Variants in KIAA1671 observed in about 807,000 individuals in gnomAD.
The protein encoded by KIAA1671 is uncharacterized protein KIAA1671.
In KIAA1671, 52 loss-of-function variants were observed where a neutral mutation model predicts 131.2. The observed-to-expected ratio is 0.40, with a 90% CI of 0.32 to 0.50. KIAA1671 has a LOEUF of 0.50. KIAA1671 is among the 20% of genes least tolerant of loss of function. KIAA1671 has a pLI of 0.73. For missense variants in KIAA1671, 2,360 were observed against 2,364.2 expected (o/e 1.00, Z 0.04); for synonymous variants, 1,003 against 961.6 (o/e 1.04, Z -0.80).
Position 24,983,360 on chromosome 22 carries a change from G to A in KIAA1671, c.-208+30588G>A, listed in dbSNP as rs1204466636. Among the ~76,000 whole-genome samples the A allele has an allele frequency of 6.6e-5, 10 of 152,054 alleles. No homozygotes were observed. The East Asian group carries it at 1.5e-3, about 23-fold the overall frequency. Reference sequence around the variant, plus strand: ...CCAGTGGCTTCCGGCAATTGTTGGCGTTTTTTGGCTTCTAGCTGTATGTCT... The same window carrying A: ...CCAGTGGCTTCCGGCAATTGTTGGCATTTTTTGGCTTCTAGCTGTATGTCT... On this transcript the variant is annotated intron_variant, in intron 1 of 12. Transcript: ENST00000358431.
At chr22:25,076,389 C>T (rs934038855) in intron 6 of KIAA1671, among the ~76,000 whole-genome samples, 4 of 152,108 alleles carry the variant, frequency 2.6e-5, no homozygotes. Context: ...GAAGTGGGGC[C>T]AAGCGTGGGC....
chr22:24,996,581 C>T (rs964943150), intron 1 of KIAA1671, among the ~76,000 whole-genome samples: 4 of 151,970 alleles, frequency 2.6e-5, no homozygotes, highest in Admixed American at 6.6e-5. Flanking sequence ...AGTTGTGACT[C>T]ATGCATCCCC....
chr22:25,026,078 C>T (rs1668625540), intron 2 of KIAA1671, among the ~76,000 whole-genome samples: 1 of 152,154 alleles, frequency 6.6e-6, no homozygotes, highest in Admixed American at 6.6e-5. Context: ...CATATCTGTC[C>T]CTCCATTCTA....
At chr22:24,983,676 G>A (rs1378863956) in intron 1 of KIAA1671, among the ~76,000 whole-genome samples, 1 of 149,586 alleles carries the variant, frequency 6.7e-6, no homozygotes, top group East Asian at 2.0e-4. Context: ...AGGGCTTTCT[G>A]GCAGGAGTGC....
At chr22:25,174,828 C>T in intron 8 of KIAA1671, 1 of 202,782 alleles carries the variant, frequency 4.9e-6, no homozygotes, top group Non-Finnish European at 9.9e-6. Context: ...GACCACTTAC[C>T]CCTGGGAAGT....
chr22:25,031,873 G>C (rs1414525513), intron 3 of KIAA1671, among the ~76,000 whole-genome samples: 1 of 152,166 alleles, frequency 6.6e-6, no homozygotes, highest in Non-Finnish European at 1.5e-5. Flanking sequence ...GACAGACCCT[G>C]GGTTGCTGAG....
chr22:25,093,748 C>CTTTCTCTCTCTCTCTCTG lies in KIAA1671; in HGVS notation c.4530+44385_4530+44386insTTCTCTCTCTCTCTCTGT, dbSNP rs1930184319. On this transcript the variant is annotated intron_variant, in intron 6 of 12. Transcript: ENST00000358431. ...ACACACACACACACACTCTCTCTCT[C>CTTTCTCTCTCTCTCTCTG]TCTCTCTCTCTCTCTCTCTGTCTCT... 4.0e-4 allele frequency among the ~76,000 whole-genome samples: 45 copies of CTTTCTCTCTCTCTCTCTG among 111,384 alleles called. 1 individual carries two copies. The highest frequency in any genetic ancestry group is 6.2e-4 in the Non-Finnish European group (33 of 52,870). 73.1% of individuals were successfully genotyped at this position (111,384 alleles called of 152,430 possible).
chr22:25,125,667 G>T (rs1601336896), intron 6 of KIAA1671, among the ~76,000 whole-genome samples: 1 of 152,206 alleles, frequency 6.6e-6, no homozygotes, highest in Non-Finnish European at 1.5e-5. Context: ...CCCACTAGAT[G>T]CCTGCACCAT....
chr22:24,957,429 C>T (rs1016035573), intron 1 of KIAA1671, among the ~76,000 whole-genome samples: 6 of 152,168 alleles, frequency 3.9e-5, no homozygotes, highest in African/African-American at 1.4e-4. Flanking sequence ...AATTTCTAAA[C>T]CTGAAGGCTT....
At position 25,065,628 on chromosome 22, in the gene KIAA1671, AATTATT is replaced by A. The variant is rs1234244146; in HGVS notation, c.4530+16280_4530+16285del. ...TACCATTTTTCAACTTTTTTTAAAG[AATTATT>A]ATTATTATTATTATTTTTTTTTTTT... On this transcript the variant is annotated intron_variant, in intron 6 of 12. Coordinates refer to ENST00000358431, the MANE Select transcript of KIAA1671 (RefSeq NM_001145206.2). 8.6e-5 allele frequency among the ~76,000 whole-genome samples: 13 copies of A among 151,014 alleles called. No individual in the cohort carries two copies. The East Asian group carries it at 2.5e-3, about 29-fold the overall frequency.
intron 9 of KIAA1671, chr22:25,179,291 G>A (rs944280852): frequency 1.1e-5 from 18 of 1,567,742 alleles, no homozygotes; most frequent in Non-Finnish European, 1.6e-5. Flanking sequence ...CAGGATGGGC[G>A]CCGCCCGTCC....
chr22:25,081,005 T>C (rs1284431387), intron 6 of KIAA1671, among the ~76,000 whole-genome samples: 1 of 152,118 alleles, frequency 6.6e-6, no homozygotes, highest in Admixed American at 6.5e-5. Context: ...AAGCAGTCAT[T>C]GCTGGGTGTC....
intron 6 of KIAA1671, among the ~76,000 whole-genome samples, chr22:25,164,140 G>A (rs2145999287): frequency 6.6e-6 from 1 of 152,308 alleles, no homozygotes; most frequent in South Asian, 2.1e-4. Context: ...GCCAAGTCTT[G>A]AGGTTTTTCA....
rs1569209675 is a variant in KIAA1671, at chr22:25,028,228, G to A, written c.229G>A (p.Val77Met). Reference protein sequence around the residue: ...APKPFSKEQDVKSPVPSLRPS... With the variant: ...APKPFSKEQDMKSPVPSLRPS... ...CAAACCCTTCTCGAAGGAGCAGGAC[G>A]TGAAATCTCCTGTCCCGTCTCTGCG... is the stretch of plus-strand genomic sequence containing the variant. The change falls in exon 3 of 13, where the codon GTG becomes ATG. Residue 77 changes from valine to methionine, a missense_variant. By Grantham distance (21) the Val-to-Met change is conservative (BLOSUM62 1). Around this residue, in one of 3 missense-constraint regions of KIAA1671, gnomAD observed 1,185 missense variants for 1,126.2 expected, o/e 1.05. Transcript: ENST00000358431. 5 of 1,551,546 alleles carry A rather than the reference G, an allele frequency of 3.2e-6. No homozygotes were observed. The highest frequency in any genetic ancestry group is 4.4e-6 in the Non-Finnish European group (5 of 1,146,948).
intron 1 of KIAA1671, among the ~76,000 whole-genome samples, chr22:24,983,133 G>A (rs1278983398): frequency 2.0e-5 from 3 of 152,166 alleles, no homozygotes; most frequent in Non-Finnish European, 4.4e-5. Context: ...AGAAGACCAG[G>A]ATGCTTTGAA....
chr22:25,162,369 T>C (rs1437802659), intron 6 of KIAA1671, among the ~76,000 whole-genome samples: 1 of 152,164 alleles, frequency 6.6e-6, no homozygotes, highest in African/African-American at 2.4e-5. Flanking sequence ...GCAGAGGGGA[T>C]TGGGACACAC....
chr22:25,152,819 G>A (rs1037520238), intron 6 of KIAA1671, among the ~76,000 whole-genome samples: 2 of 152,128 alleles, frequency 1.3e-5, no homozygotes, highest in African/African-American at 4.8e-5. Context: ...TGGCCAGGCT[G>A]GTCTCGAACT....
chr22:25,127,616 G>T (rs1311450685), intron 6 of KIAA1671, among the ~76,000 whole-genome samples: 2 of 151,948 alleles, frequency 1.3e-5, no homozygotes, highest in Non-Finnish European at 2.9e-5. Flanking sequence ...GCATATTTGT[G>T]TGTCATTAAC....
chr22:25,169,334 A>G (rs1933761031), intron 6 of KIAA1671, among the ~76,000 whole-genome samples: 1 of 150,490 alleles, frequency 6.6e-6, no homozygotes, highest in African/African-American at 2.5e-5. Flanking sequence ...CAGGAGGATT[A>G]CTTGAGCCCC....
Sources: gnomAD v4.1 joint callset for allele counts (sites outside exome capture counted in the v4.1 genomes callset) on GRCh38, gnomAD v4.1.1 for gene constraint, gnomAD v4.1.1 regional missense constraint, MANE v1.5 for transcripts, NCBI Gene and HGNC (gene_info 2026-07-23, HGNC 2026-07-21) for gene names.